Variants in SLC17A1 observed in about 807,000 individuals in gnomAD.
SLC17A1 encodes the protein sodium-dependent phosphate transport protein 1.
SLC17A1 carries 51 observed loss-of-function variants against 53.5 expected under a neutral mutation model. The observed-to-expected ratio is 0.95, with a 90% CI of 0.76 to 1.20. The LOEUF (loss-of-function observed/expected upper bound fraction) is 1.20, where lower values mean the gene tolerates loss of function less well. Among genes scored for constraint, SLC17A1 ranks in the 50% most tolerant of loss-of-function variants. The pLI is 0.00. For missense variants in SLC17A1, 538 were observed against 568.2 expected, an observed-to-expected ratio of 0.95 and a Z score of 0.54; for synonymous variants, 179 against 198.8, an observed-to-expected ratio of 0.90 and a Z score of 0.84.
the SLC17A1 span, among the ~76,000 whole-genome samples, chr6:25,729,456 T>C: frequency 6.6e-6 from 1 of 152,202 alleles, no homozygotes; most frequent in African/African-American, 2.4e-5. Flanking sequence ...GTCAGTCTAT[T>C]CCACTGGGTC....
At chr6:25,734,465 G>C in the SLC17A1 span, among the ~76,000 whole-genome samples, 5 of 152,176 alleles carry the variant, frequency 3.3e-5, no homozygotes, top group Non-Finnish European at 7.4e-5. Context: ...TTAAGAAAAG[G>C]ATAAATCTAC....
chr6:25,764,646 C>T, the SLC17A1 span, among the ~76,000 whole-genome samples: 1 of 152,218 alleles, frequency 6.6e-6, no homozygotes, highest in Non-Finnish European at 1.5e-5. Context: ...TGCTGTGGAG[C>T]TTCAGCTTGT....
chr6:25,752,590 A>T, the SLC17A1 span, among the ~76,000 whole-genome samples: 117 of 152,348 alleles, frequency 7.7e-4, 2 homozygotes, highest in Admixed American at 5.9e-3. Flanking sequence ...AAACTTTTAA[A>T]TGTTTTTAAA....
chr6:25,831,143 C>G (rs943541151), intron 1 of SLC17A1, among the ~76,000 whole-genome samples: 1 of 152,166 alleles, frequency 6.6e-6, no homozygotes, highest in Admixed American at 6.5e-5. Context: ...CGTCCACATG[C>G]CCCTGTCCGT....
At chr6:25,783,919 G>A (rs1372543863) in intron 12 of SLC17A1, among the ~76,000 whole-genome samples, 1 of 151,734 alleles carries the variant, frequency 6.6e-6, no homozygotes, top group South Asian at 2.1e-4. Context: ...GGCTTTACCT[G>A]GTTAATAGGT....
chr6:25,798,942 A>T (rs770027440), intron 11 of SLC17A1, 23 bp from the exon 12 acceptor site: 2 of 1,526,870 alleles, frequency 1.3e-6, no homozygotes, highest in Non-Finnish European at 8.9e-7. Flanking sequence ...AATTCAAAGT[A>T]ATTGTAAATT....
chr6:25,769,899 T>C, the SLC17A1 span, among the ~76,000 whole-genome samples: 1 of 152,196 alleles, frequency 6.6e-6, no homozygotes, highest in Admixed American at 6.5e-5. Flanking sequence ...AAAGAGTATA[T>C]TGGGCATATA....
intron 2 of SLC17A1, among the ~76,000 whole-genome samples, chr6:25,827,229 T>C (rs558990668): frequency 9.2e-5 from 14 of 152,202 alleles, no homozygotes; most frequent in Admixed American, 2.0e-4. Flanking sequence ...AGTAAAGTGT[T>C]TTTCAACAAA....
chr6:25,733,949 G>A, the SLC17A1 span, among the ~76,000 whole-genome samples: 2 of 151,696 alleles, frequency 1.3e-5, no homozygotes, highest in Non-Finnish European at 2.9e-5. Flanking sequence ...CGAGTAGCTG[G>A]GATTACATGC....
the SLC17A1 span, chr6:25,761,919 T>C: frequency 2.0e-6 from 3 of 1,501,508 alleles, no homozygotes; most frequent in Non-Finnish European, 2.8e-6. Context: ...GTATTCTTTT[T>C]ATTTCAGTAA....
intron 3 of SLC17A1, among the ~76,000 whole-genome samples, chr6:25,824,937 C>G (rs914028258): frequency 5.3e-5 from 8 of 151,878 alleles, no homozygotes; most frequent in Non-Finnish European, 1.2e-4. Flanking sequence ...GGATAATTCA[C>G]TCTTTTTATC....
downstream of SLC17A1, among the ~76,000 whole-genome samples, chr6:25,782,152 G>A (rs138900208): frequency 6.6e-6 from 1 of 152,288 alleles, no homozygotes; most frequent in African/African-American, 2.4e-5. Context: ...GTCTTCATCT[G>A]CTAGTGCAAG....
intron 12 of SLC17A1, chr6:25,798,564 G>A (rs1286953037): frequency 2.6e-6 from 1 of 384,944 alleles, no homozygotes; most frequent in Non-Finnish European, 4.6e-6. Context: ...ATCTTTTGAT[G>A]TTAAAGAGGC....
intron 10 of SLC17A1, among the ~76,000 whole-genome samples, chr6:25,810,949 G>T (rs1038577093): frequency 6.6e-6 from 1 of 152,128 alleles, no homozygotes; most frequent in Non-Finnish European, 1.5e-5. Context: ...CAAGTCATTT[G>T]TGACAACTTG....
chr6:25,828,004 G>A (rs560751900), intron 2 of SLC17A1, among the ~76,000 whole-genome samples: 1 of 152,232 alleles, frequency 6.6e-6, no homozygotes, highest in South Asian at 2.1e-4. Context: ...TAAATCAGGT[G>A]TGGAAGAGGG....
the SLC17A1 span, chr6:25,773,124 C>CA: frequency 3.9e-5 from 27 of 686,746 alleles, no homozygotes; most frequent in African/African-American, 7.1e-5. Context: ...GAGGAAGTAC[C>CA]CTCCCCCATG....
At chr6:25,730,673 G>C in the SLC17A1 span, among the ~76,000 whole-genome samples, 12 of 152,324 alleles carry the variant, frequency 7.9e-5, no homozygotes, top group Middle Eastern at 6.8e-3. Flanking sequence ...TAATGCATAT[G>C]TTAATTAGAT....
chr6:25,775,966 A>G, the SLC17A1 span, among the ~76,000 whole-genome samples: 1 of 152,146 alleles, frequency 6.6e-6, no homozygotes, highest in Non-Finnish European at 1.5e-5. Flanking sequence ...CTGCAGTGAA[A>G]ACCTTGTTCA....
At chr6:25,738,807 G>A in the SLC17A1 span, among the ~76,000 whole-genome samples, 3 of 152,170 alleles carry the variant, frequency 2.0e-5, no homozygotes, top group Non-Finnish European at 2.9e-5. Context: ...ATGCTCATTA[G>A]GAAAGTGTAA....
Sources: gnomAD v4.1 joint callset for allele counts (sites outside exome capture counted in the v4.1 genomes callset) on GRCh38, gnomAD v4.1.1 for gene constraint, MANE v1.5 for transcripts, NCBI Gene and HGNC (gene_info 2026-07-23, HGNC 2026-07-21) for gene names.